ENPP2: variants seen among roughly 807,000 people sequenced by gnomAD.
ENPP2 encodes autotaxin.
Under a neutral mutation model 120.2 loss-of-function variants are expected in ENPP2, and 51 were observed. The observed-to-expected ratio is 0.42, with a 90% CI of 0.34 to 0.54. The LOEUF (loss-of-function observed/expected upper bound fraction) is 0.54. ENPP2 is among the 20% of genes least tolerant of loss of function. The pLI is 0.04. For missense variants in ENPP2, 920 were observed against 1,066.5 expected, an observed-to-expected ratio of 0.86 and a Z score of 1.91; for synonymous variants, 365 against 366.4, an observed-to-expected ratio of 1.00 and a Z score of 0.04.
chr8:119,646,784 T>C (rs1817481082), intron 1 of ENPP2, among the ~76,000 whole-genome samples: 1 of 152,206 alleles, frequency 6.6e-6, no homozygotes, highest in South Asian at 2.1e-4. Context: ...TTTCTGTTCC[T>C]TGATTAAGTT....
chr8:119,562,819 T>C lies in ENPP2; in HGVS notation c.2421+38A>G, dbSNP rs1160306133. 5 of 1,594,862 alleles carry C rather than the reference T, an allele frequency of 3.1e-6. No individual in the cohort carries two copies. The South Asian group carries it at 3.4e-5, about 11-fold the overall frequency. On this transcript the variant is annotated intron_variant, in intron 24 of 24. Transcript: ENST00000075322. ...TAAAGTAAGAAACGAAGGTGAACTA[T>C]GGAAGCAAATCCTAAAGGACTCTCT...
At chr8:119,602,470 A>AC (rs1362446873) in intron 9 of ENPP2, among the ~76,000 whole-genome samples, 1 of 152,074 alleles carries the variant, frequency 6.6e-6, no homozygotes, top group African/African-American at 2.4e-5. Context: ...AAAAAAAAAA[A>AC]AAAAAGAATA....
chr8:119,654,401 A>C (rs1301937077), intron 1 of ENPP2, among the ~76,000 whole-genome samples: 1 of 144,758 alleles, frequency 6.9e-6, no homozygotes, highest in African/African-American at 2.5e-5. Flanking sequence ...AGATATTAAT[A>C]TCTAGATATA....
At chr8:119,610,277 CA>C (rs1244404780) in intron 8 of ENPP2, among the ~76,000 whole-genome samples, 4 of 151,880 alleles carry the variant, frequency 2.6e-5, no homozygotes, top group Non-Finnish European at 1.5e-5. Flanking sequence ...AAAACAAAAT[CA>C]AAAAGCAGAA....
rs56116851 is a variant in ENPP2, at chr8:119,646,282, C to T, written c.22-7755G>A. On this transcript the variant is annotated intron_variant, in intron 1 of 25. Transcript: ENST00000427067. ...GCGCATCCAGCCTTTTCCTCCTAAA[C>T]TTAAAACTTTTCTGTTTGGCTTCCT... Among the ~76,000 whole-genome samples the T allele has an allele frequency of 3.5e-3, 532 of 152,270 alleles. 3 individuals are homozygous for T. The highest frequency in any genetic ancestry group is 0.012 in the African/African-American group (515 of 41,554).
Position 119,619,308 on chromosome 8 carries a change from T to A in ENPP2, c.419-4A>T. The stretch of plus-strand genomic sequence containing the variant: ...TCATCAACCCAATGCGACTCTCCTA[T>A]AAGGAAAAATGGGTAAATGTATTGT... On this transcript the variant is annotated splice_region_variant and splice_polypyrimidine_tract_variant and intron_variant, in intron 4 of 24. Coordinates refer to ENST00000075322, the MANE Select transcript of ENPP2 (RefSeq NM_001040092.3). 1 of 1,600,854 alleles carries A rather than the reference T, an allele frequency of 6.2e-7. No individual in the cohort carries two copies. Among genetic ancestry groups the A allele is most frequent in the South Asian group, 1.1e-5 (1 of 90,542 alleles).
chr8:119,644,679 C>A (rs1207435532), intron 1 of ENPP2, among the ~76,000 whole-genome samples: 3 of 140,936 alleles, frequency 2.1e-5, no homozygotes, highest in African/African-American at 7.8e-5. Flanking sequence ...TACACACACA[C>A]ATATATATAT....
chr8:119,658,040 T>C (rs772783831), intron 1 of ENPP2, among the ~76,000 whole-genome samples: 2 of 152,224 alleles, frequency 1.3e-5, no homozygotes, highest in Admixed American at 6.5e-5. Context: ...CACAATACAG[T>C]TACATATAGA....
chr8:119,584,038 T>G lies in ENPP2; in HGVS notation c.1379A>C (p.Asp460Ala). The G allele has an allele frequency of 6.2e-7, 1 of 1,606,620 alleles. No homozygotes were observed. Among genetic ancestry groups the G allele is most frequent in the Non-Finnish European group, 8.5e-7 (1 of 1,173,904 alleles). ...RRWHVARKPL[D>A]VYKKPSGKCF... is the part of the protein sequence containing the mutation. ...TTTTCCTGATGGTTTCTTATAAACATCCAAAGGTTTCCTAAATTGAAACAA... is the reference window on the plus strand; with the variant it reads ...TTTTCCTGATGGTTTCTTATAAACAGCCAAAGGTTTCCTAAATTGAAACAA... Residue 460 changes from aspartate to alanine, a missense_variant, in exon 16 of 25, where the codon GAT (aspartate) becomes GCT (alanine). Transcript: ENST00000075322.
chr8:119,567,102 C>A (rs1278041098), intron 22 of ENPP2, among the ~76,000 whole-genome samples: 1 of 152,176 alleles, frequency 6.6e-6, no homozygotes, highest in Non-Finnish European at 1.5e-5. Flanking sequence ...CATAACACAG[C>A]CTGAACCTCC....
intron 1 of ENPP2, among the ~76,000 whole-genome samples, chr8:119,657,673 C>T (rs999560022): frequency 5.9e-5 from 9 of 152,320 alleles, no homozygotes; most frequent in Admixed American, 2.0e-4. Context: ...GCATTCCCAA[C>T]CAGGCTTGTG....
intron 5 of ENPP2, chr8:119,618,327 T>C: frequency 2.1e-6 from 1 of 479,706 alleles, no homozygotes; most frequent in Non-Finnish European, 4.2e-6. Flanking sequence ...TGGGCCTCTG[T>C]ATAAGAGAAT....
In ENPP2 at chr8:119,562,632, C is replaced by T. The variant is rs375378303; in HGVS notation, c.2421+225G>A. 4.6e-5 allele frequency among the ~76,000 whole-genome samples: 7 copies of T among 152,200 alleles called. No homozygotes were observed. The East Asian group carries it at 1.4e-3, about 29-fold the overall frequency. On this transcript the variant is annotated intron_variant, in intron 24 of 24. Transcript: ENST00000075322. ...GACATTTATTTCTCAAAATTGTACACATTGATAGAATTATGTTAAATGCAC... is the reference window on the plus strand; with the variant it reads ...GACATTTATTTCTCAAAATTGTACATATTGATAGAATTATGTTAAATGCAC...
intron 22 of ENPP2, 111 bp downstream of exon 22, chr8:119,568,064 A>G: frequency 1.4e-6 from 1 of 697,068 alleles, no homozygotes; most frequent in Non-Finnish European, 2.6e-6. Flanking sequence ...TAAAGGTTAA[A>G]CACATGAAAA....
chr8:119,606,551 T>C (rs1187085740), intron 9 of ENPP2, among the ~76,000 whole-genome samples: 1 of 151,890 alleles, frequency 6.6e-6, no homozygotes, highest in Admixed American at 6.6e-5. Flanking sequence ...CTGTTTATAT[T>C]AAGCAGTATC....
rs779115612 is a variant in ENPP2, at chr8:119,672,133, TGAG to T, written c.21+1116_21+1118del. Among the ~76,000 whole-genome samples, 189 of 151,916 alleles carry T rather than the reference TGAG, an allele frequency of 1.2e-3. 1 individual carries two copies. Among genetic ancestry groups the T allele is most frequent in the Admixed American group, 3.2e-3 (49 of 15,270 alleles). On this transcript the variant is annotated intron_variant, in intron 1 of 25. Coordinates refer to the ENPP2 transcript ENST00000427067. ...TGGGTGTGAAGGAGCAAACCGGTAG[TGAG>T]GAGATGTCGGGAGACAGCAAATGCC...
At position 119,617,149 on chromosome 8, in the gene ENPP2, C is replaced by A. The variant is rs766749228; in HGVS notation, c.657+15G>T. 12 of 1,560,480 alleles carry A rather than the reference C, an allele frequency of 7.7e-6. No individual in the cohort carries two copies. Among genetic ancestry groups the A allele is most frequent in the Non-Finnish European group, 1.1e-5 (12 of 1,131,636 alleles). ...ATCAGCCCTTTGAATGTGTATCATT[C>A]GAAAAAATACTTACAGTGGCCAAAG... On this transcript the variant is annotated intron_variant, in intron 7 of 24. Coordinates refer to ENST00000075322, the MANE Select transcript of ENPP2 (RefSeq NM_001040092.3).
Position 119,590,532 on chromosome 8 carries a change from G to T in ENPP2, c.1180C>A (p.Arg394=), listed in dbSNP as rs1295931577. The change falls in exon 13 of 25, where the codon CGA becomes AGA. Residue 394 remains arginine, a synonymous_variant. Transcript: ENST00000075322. ...TTAGCATTGTTGCTAAATTTGGATC[G>T]AATTCTTCCTAGAGTTCCAGGCACT... The part of the protein sequence containing the change: ...TLVPGTLGRI[R]SKFSNNAKYD... 4 of 1,596,068 alleles carry T rather than the reference G, an allele frequency of 2.5e-6. No individual in the cohort carries two copies. The highest frequency in any genetic ancestry group is 1.1e-5 in the South Asian group (1 of 87,520).
intron 1 of ENPP2, among the ~76,000 whole-genome samples, chr8:119,649,735 A>T (rs181667701): frequency 2.0e-5 from 3 of 152,360 alleles, no homozygotes; most frequent in East Asian, 3.9e-4. Context: ...TCCAATTTTT[A>T]AAAAATGATC....
Sources: gnomAD v4.1 joint callset for allele counts (sites outside exome capture counted in the v4.1 genomes callset) on GRCh38, gnomAD v4.1.1 for gene constraint, MANE v1.5 for transcripts, NCBI Gene and HGNC (gene_info 2026-07-23, HGNC 2026-07-21) for gene names.